KCNIP4: variants seen among roughly 807,000 people sequenced by gnomAD.
KCNIP4 encodes the protein potassium voltage-gated channel interacting protein 4.
Under a neutral mutation model 34.0 loss-of-function variants are expected in KCNIP4, and 12 were observed. The observed-to-expected ratio is 0.35, with a 90% CI of 0.23 to 0.57. The LOEUF is 0.57. KCNIP4 is among the 20% of genes least tolerant of loss of function. KCNIP4 has a pLI of 0.83. For missense variants in KCNIP4, 238 were observed against 311.7 expected, an observed-to-expected ratio of 0.76 and a Z score of 1.78; for synonymous variants, 124 against 102.2, an observed-to-expected ratio of 1.21 and a Z score of -1.29.
rs2109027904 is a variant in KCNIP4 at position 21,948,686 on chromosome 4, T to C, written c.-55A>G. The C allele has an allele frequency of 2.5e-6, 4 of 1,589,804 alleles. No homozygotes were observed. The highest frequency in any genetic ancestry group is 1.1e-5 in the South Asian group (1 of 87,802). On this transcript the variant is annotated 5_prime_UTR_variant, in exon 1 of 9. Transcript: ENST00000382152. The stretch of plus-strand genomic sequence containing the variant: ...CTCGAGAGTCCACCGGCCAGGGGCG[T>C]CTGTCCACGGGTCTGCACGGGAGCG...
intron 1 of KCNIP4, among the ~76,000 whole-genome samples, chr4:21,890,526 T>C (rs1727031418): frequency 6.6e-6 from 1 of 151,986 alleles, no homozygotes; most frequent in Admixed American, 6.6e-5. Flanking sequence ...AATATCCCCT[T>C]TCATGAGAAT....
intron 1 of KCNIP4, among the ~76,000 whole-genome samples, chr4:21,775,652 C>A (rs932136750): frequency 1.3e-5 from 2 of 152,140 alleles, no homozygotes; most frequent in Non-Finnish European, 2.9e-5. Flanking sequence ...TGTCCCTGAG[C>A]CTCTGGCTGG....
chr4:20,976,652 G>A (rs979579158), intron 1 of KCNIP4, among the ~76,000 whole-genome samples: 2 of 151,930 alleles, frequency 1.3e-5, no homozygotes, highest in Non-Finnish European at 2.9e-5. Flanking sequence ...AAGGAGAAAA[G>A]CACCTGTGGG....
intron 1 of KCNIP4, among the ~76,000 whole-genome samples, chr4:21,328,472 C>T (rs891923002): frequency 1.3e-5 from 2 of 152,140 alleles, no homozygotes; most frequent in African/African-American, 2.4e-5. Flanking sequence ...TGGAGTGACA[C>T]AAGCACCTCT....
At chr4:21,053,549 CA>C (rs1411068202) in intron 1 of KCNIP4, among the ~76,000 whole-genome samples, 1 of 152,200 alleles carries the variant, frequency 6.6e-6, no homozygotes, top group East Asian at 1.9e-4. Flanking sequence ...AAAATGTAAA[CA>C]CCTTGTAAAT....
At chr4:20,879,145 G>A (rs566147151) in intron 2 of KCNIP4, among the ~76,000 whole-genome samples, 11 of 152,150 alleles carry the variant, frequency 7.2e-5, no homozygotes, top group Non-Finnish European at 1.3e-4. Flanking sequence ...CTAGGGGATC[G>A]TGGGATGGGC....
chr4:21,326,981 T>G (rs551369388), intron 1 of KCNIP4, among the ~76,000 whole-genome samples: 1 of 152,180 alleles, frequency 6.6e-6, no homozygotes, highest in Admixed American at 6.5e-5. Context: ...TTTCTGTTTA[T>G]ATCTTATTAT....
chr4:21,945,639 T>C (rs1849538), intron 1 of KCNIP4, among the ~76,000 whole-genome samples: 150,775 of 152,140 alleles, frequency 0.99, 74,720 homozygotes, highest in East Asian at 1. Context: ...ATCTGCCATC[T>C]CTAAGTTAGA....
intron 1 of KCNIP4, among the ~76,000 whole-genome samples, chr4:21,900,945 C>T (rs1055266687): frequency 1.3e-5 from 2 of 152,144 alleles, no homozygotes; most frequent in African/African-American, 4.8e-5. Flanking sequence ...GCTACTTCTG[C>T]TCTTCTGTTA....
chr4:21,442,734 C>T (rs1727599773), intron 1 of KCNIP4, among the ~76,000 whole-genome samples: 1 of 152,082 alleles, frequency 6.6e-6, no homozygotes, highest in South Asian at 2.1e-4. Flanking sequence ...GCTCATGTAC[C>T]CCATTCTTCT....
intron 2 of KCNIP4, among the ~76,000 whole-genome samples, chr4:20,882,156 C>G (rs183084692): frequency 6.6e-6 from 1 of 152,112 alleles, no homozygotes; most frequent in Non-Finnish European, 1.5e-5. Context: ...AGAAAAGTCA[C>G]GTTTATTTAA....
intron 3 of KCNIP4, among the ~76,000 whole-genome samples, chr4:20,825,196 C>T (rs906719815): frequency 1.2e-4 from 16 of 134,232 alleles, no homozygotes; most frequent in South Asian, 5.2e-4. Context: ...TAATTATTTT[C>T]AATAAAGGAT....
chr4:21,154,287 C>T (rs1224412363), intron 1 of KCNIP4, among the ~76,000 whole-genome samples: 1 of 152,098 alleles, frequency 6.6e-6, no homozygotes, highest in East Asian at 1.9e-4. Flanking sequence ...CAAGATATCA[C>T]ATAAATGACA....
At chr4:21,636,015 CATT>C (rs1481144582) in intron 1 of KCNIP4, among the ~76,000 whole-genome samples, 22 of 151,524 alleles carry the variant, frequency 1.5e-4, no homozygotes, top group East Asian at 2.0e-4. Flanking sequence ...TGGAAATCAT[CATT>C]GTCAGTAAAC....
intron 1 of KCNIP4, among the ~76,000 whole-genome samples, chr4:20,930,237 G>T (rs1730317469): frequency 6.6e-6 from 1 of 151,954 alleles, no homozygotes; most frequent in Admixed American, 6.6e-5. Flanking sequence ...TTCAACAAGG[G>T]TACCAACAGG....
intron 1 of KCNIP4, among the ~76,000 whole-genome samples, chr4:21,134,967 C>A (rs1751389378): frequency 6.6e-6 from 1 of 152,162 alleles, no homozygotes; most frequent in Non-Finnish European, 1.5e-5. Context: ...GACAAGGCTG[C>A]AAGGAAAGGT....
At chr4:21,075,291 C>G (rs1056188572) in intron 1 of KCNIP4, among the ~76,000 whole-genome samples, 2 of 152,126 alleles carry the variant, frequency 1.3e-5, no homozygotes, top group Non-Finnish European at 2.9e-5. Context: ...TTGTAGGTCT[C>G]TAAGGACTTG....
chr4:21,919,948 A>T (rs1225266435), intron 1 of KCNIP4, among the ~76,000 whole-genome samples: 2 of 152,154 alleles, frequency 1.3e-5, no homozygotes, highest in Non-Finnish European at 2.9e-5. Context: ...GTTATAGTTA[A>T]AAAAAGGTCT....
chr4:20,868,130 T>C (rs977450575), intron 2 of KCNIP4, among the ~76,000 whole-genome samples: 3 of 151,844 alleles, frequency 2.0e-5, no homozygotes, highest in Non-Finnish European at 2.9e-5. Context: ...ATCTATACAG[T>C]AGGGAACTTA....
Sources: allele counts gnomAD v4.1 joint callset (sites outside exome capture counted in the v4.1 genomes callset), GRCh38; gene constraint gnomAD v4.1.1; transcripts MANE v1.5; gene names NCBI Gene and HGNC (gene_info 2026-07-23, HGNC 2026-07-21).